BEND4: variants seen among roughly 807,000 people sequenced by gnomAD.
BEND4 encodes the protein BEN domain containing 4.
Under a neutral mutation model 54.7 loss-of-function variants are expected in BEND4, and 27 were observed. The observed-to-expected ratio is 0.49, with a 90% confidence interval of 0.36 to 0.68. The LOEUF (loss-of-function observed/expected upper bound fraction) is 0.68, where lower values mean the gene tolerates loss of function less well. Among genes scored for constraint, BEND4 ranks in the 30% least tolerant of loss-of-function variants. The pLI is 0.00. For synonymous variants in BEND4, 327 were observed against 299.5 expected, an observed-to-expected ratio of 1.09 and a Z score of -0.95; for missense variants, 702 against 697.2, an observed-to-expected ratio of 1.01 and a Z score of -0.08.
intron 3 of BEND4, among the ~76,000 whole-genome samples, chr4:42,140,663 G>C (rs1042283985): frequency 1.3e-5 from 2 of 152,188 alleles, no homozygotes; most frequent in Non-Finnish European, 2.9e-5. Flanking sequence ...TATGGGTTCG[G>C]TAAGTGAGAG....
chr4:42,139,234 A>ATT, intron 3 of BEND4, among the ~76,000 whole-genome samples: 2 of 152,314 alleles, frequency 1.3e-5, no homozygotes, highest in Admixed American at 1.3e-4. Flanking sequence ...TAGTGTGGTG[A>ATT]TCTAATACAA....
rs1239344697 is a variant in BEND4 at position 42,152,034 on chromosome 4, A to G, written c.110T>C (p.Leu37Pro). 9.6e-6 allele frequency: 12 copies of G among 1,250,808 alleles called. No homozygotes were observed. The highest frequency in any genetic ancestry group is 1.1e-5 in the Non-Finnish European group (11 of 990,792). 77.5% of individuals were successfully genotyped at this position (1,250,808 alleles called of 1,614,324 possible). A position where few individuals can be genotyped will look rare whatever the true frequency, so the allele number is the denominator to read the frequency against. The change falls in exon 2 of 6, where the codon CTG becomes CCG. Residue 37 changes from leucine (L) to proline (P), a missense_variant. Physicochemically the swap from Leu to Pro is moderately conservative, Grantham distance 98. Coordinates refer to ENST00000502486, the MANE Select transcript of BEND4 (RefSeq NM_207406.4). ...LKTFPSKRPA[L>P]AKRYERPTLV... ...GGTGGGTCGCTCGTAGCGCTTGGCC[A>G]GCGCCGGTCTCTTGCTGGGGAACGT...
chr4:42,149,809 G>A (rs1056095616), intron 2 of BEND4, among the ~76,000 whole-genome samples: 8 of 152,008 alleles, frequency 5.3e-5, no homozygotes, highest in Non-Finnish European at 5.9e-5. Context: ...CAAGTGACTG[G>A]TGCAGAAAAA....
rs1399282074 is a variant in BEND4 at position 42,115,190 on chromosome 4, T to TGCG, written c.*2327_*2328insCGC. ...GAGAAACAGCTGATAGAGAAATGAT[T>TGCG]AACCTGGAATGGGTGCGAGGGAGGA... On this transcript the variant is annotated 3_prime_UTR_variant, in exon 6 of 6. Coordinates refer to ENST00000502486, the MANE Select transcript of BEND4 (RefSeq NM_207406.4). The TGCG allele has an allele frequency of 3.9e-5, 6 of 152,372 alleles. No individual in the cohort carries two copies. The East Asian group carries it at 1.2e-3, about 29-fold the overall frequency. 9.4% of individuals were successfully genotyped at this position (152,372 alleles called of 1,614,324 possible).
chr4:42,120,408 T>C (rs901270187), intron 4 of BEND4, 114 bp from the exon 5 acceptor site: 7 of 1,328,760 alleles, frequency 5.3e-6, no homozygotes, highest in African/African-American at 4.4e-5. Flanking sequence ...ATGCTGACAA[T>C]GAACCAGGTA....
Position 42,152,293 on chromosome 4 carries a change from C to T in BEND4, c.-150G>A, listed in dbSNP as rs953482821. ...TGTGCCGTGGCCGCCGCCGCCGCCG[C>T]CTGTCGCTGAGGCTGGCATCGCCGA... is the stretch of plus-strand genomic sequence containing the variant. On this transcript the variant is annotated 5_prime_UTR_variant, in exon 2 of 6. Transcript: ENST00000502486. The T allele has an allele frequency of 3.2e-5, 24 of 758,468 alleles. No individual in the cohort carries two copies. The highest frequency in any genetic ancestry group is 4.1e-5 in the Non-Finnish European group (23 of 564,288). 47.0% of individuals were successfully genotyped at this position (758,468 alleles called of 1,614,324 possible). A position where few individuals can be genotyped will look rare whatever the true frequency, so the allele number is the denominator to read the frequency against.
intron 5 of BEND4, among the ~76,000 whole-genome samples, chr4:42,119,368 G>A (rs1320679332): frequency 6.6e-6 from 1 of 152,074 alleles, no homozygotes; most frequent in Non-Finnish European, 1.5e-5. Context: ...ATGTTTTGTT[G>A]GCACTATAAC....
At chr4:42,121,332 G>A (rs1720052219) in intron 4 of BEND4, among the ~76,000 whole-genome samples, 1 of 152,172 alleles carries the variant, frequency 6.6e-6, no homozygotes, top group South Asian at 2.1e-4. Context: ...TAGGAAACCG[G>A]CACGGAGTTC....
At chr4:42,138,336 G>C (rs1371799655) in intron 3 of BEND4, among the ~76,000 whole-genome samples, 1 of 152,142 alleles carries the variant, frequency 6.6e-6, no homozygotes, top group African/African-American at 2.4e-5. Flanking sequence ...GAAAAATATT[G>C]TAAGATTTCA....
chr4:42,125,793 C>A, intron 3 of BEND4, 119 bp from the exon 4 acceptor site: 1 of 625,088 alleles, frequency 1.6e-6, no homozygotes, highest in Non-Finnish European at 2.7e-6. Flanking sequence ...TACTGGAGTG[C>A]AGTGTGGTGA....
At position 42,117,341 on chromosome 4, in the gene BEND4, G is replaced by A; in HGVS notation, c.*177C>T. ...TATAATATTCCAAAAGTCTGTTGTA[G>A]GTGCCACAGACTTCCCAAACAACCC... On this transcript the variant is annotated 3_prime_UTR_variant, in exon 6 of 6. Transcript: ENST00000502486. 1 of 559,198 alleles carries A rather than the reference G, an allele frequency of 1.8e-6. No homozygotes were observed. The allele number at this position is 559,198 out of a possible 1,614,324, so 34.6% of individuals were successfully genotyped here.
intron 2 of BEND4, among the ~76,000 whole-genome samples, chr4:42,144,285 C>A (rs1720999947): frequency 6.6e-6 from 1 of 152,268 alleles, no homozygotes; most frequent in East Asian, 1.9e-4. Flanking sequence ...TAACTGGCTG[C>A]ACAGGTCTGA....
rs868016132 is a variant in BEND4 at position 42,151,686 on chromosome 4, C to T, written c.458G>A (p.Ser153Asn). The change falls in exon 2 of 6, where the codon AGC becomes AAC. Residue 153 changes from serine (S) to asparagine (N), a missense_variant. Transcript: ENST00000502486. Reference protein sequence around the residue: ...AAAAGTGGTGSDSASLELSAE... With the variant: ...AAAAGTGGTGNDSASLELSAE... ...GCTGAGCTCCAGGCTGGCGCTGTCG[C>T]TACCCGTGCCGCCGGTGCCGGCGGC... is the stretch of plus-strand genomic sequence containing the variant. The T allele has an allele frequency of 6.6e-7, 1 of 1,507,068 alleles. No individual in the cohort carries two copies. Among genetic ancestry groups the T allele is most frequent in the Non-Finnish European group, 8.8e-7 (1 of 1,131,326 alleles). The allele number at this position is 1,507,068 out of a possible 1,614,324, so 93.4% of individuals were successfully genotyped here. A position where few individuals can be genotyped will look rare whatever the true frequency, so the allele number is the denominator to read the frequency against.
intron 3 of BEND4, among the ~76,000 whole-genome samples, chr4:42,140,395 T>G (rs1295393301): frequency 6.6e-6 from 1 of 152,196 alleles, no homozygotes; most frequent in Non-Finnish European, 1.5e-5. Context: ...TATTGTTGGA[T>G]GTATTTCTTA....
At chr4:42,120,400 G>T in intron 4 of BEND4, 106 bp from the exon 5 acceptor site, 1 of 1,390,388 alleles carries the variant, frequency 7.2e-7, no homozygotes, top group Non-Finnish European at 9.8e-7. Flanking sequence ...AAGTGGCTAT[G>T]CTGACAATGA....
rs1235491763 is a variant in BEND4, at chr4:42,151,987, G to C, written c.157C>G (p.Arg53Gly). The change falls in exon 2 of 6, where the codon CGG (arginine) becomes GGG (glycine). Residue 53 changes from arginine (R) to glycine (G), a missense_variant. Transcript: ENST00000502486. ...GGCGGCGGGGGCGGCGGGGGCGCCC[G>C]CACGTGCGGCAGCTCCACCAGGGTG... is the stretch of plus-strand genomic sequence containing the variant. ...RPTLVELPHV[R>G]APPPPPPPFA... 1 of 1,253,810 alleles carries C rather than the reference G, an allele frequency of 8.0e-7. No individual in the cohort carries two copies. The highest frequency in any genetic ancestry group is 1.0e-6 in the Non-Finnish European group (1 of 995,124). The allele number at this position is 1,253,810 out of a possible 1,614,324, so 77.7% of individuals were successfully genotyped here. A position where few individuals can be genotyped will look rare whatever the true frequency, so the allele number is the denominator to read the frequency against.
chr4:42,112,927 G>C lies in BEND4; in HGVS notation c.*4591C>G, dbSNP rs56050241. The C allele has an allele frequency of 2.0e-5, 3 of 152,234 alleles. No homozygotes were observed. In the East Asian group the frequency reaches 5.8e-4, roughly 29 times the overall value. The allele number at this position is 152,234 out of a possible 1,614,324, so 9.4% of individuals were successfully genotyped here. The stretch of plus-strand genomic sequence containing the variant: ...TTGCAGAGGACTACCCATCTGCTGG[G>C]TGACGTTTTCCTACATTACTCCAAC... On this transcript the variant is annotated 3_prime_UTR_variant, in exon 6 of 6. Coordinates refer to ENST00000502486, the MANE Select transcript of BEND4 (RefSeq NM_207406.4).
chr4:42,112,121 G>A lies in BEND4; in HGVS notation c.*5397C>T, dbSNP rs1719596465. On this transcript the variant is annotated 3_prime_UTR_variant, in exon 6 of 6. Coordinates refer to ENST00000502486, the MANE Select transcript of BEND4 (RefSeq NM_207406.4). ...AACAAATCCATTCCAAAGTGTTGAT[G>A]GGCTTTGAGAACTGTGCTCCAACTA... 6.6e-6 allele frequency: 1 copy of A among 152,114 alleles called. No homozygotes were observed. Among genetic ancestry groups the A allele is most frequent in the South Asian group, 2.1e-4 (1 of 4,826 alleles). The allele number at this position is 152,114 out of a possible 1,614,324, so 9.4% of individuals were successfully genotyped here.
At chr4:42,132,482 T>C (rs1280750893) in intron 3 of BEND4, among the ~76,000 whole-genome samples, 1 of 152,118 alleles carries the variant, frequency 6.6e-6, no homozygotes, top group African/African-American at 2.4e-5. Context: ...TTCAGTGCTG[T>C]TGCCAAAGCT....
Sources: allele counts gnomAD v4.1 joint callset (sites outside exome capture counted in the v4.1 genomes callset), GRCh38; gene constraint gnomAD v4.1.1; transcripts MANE v1.5; gene names NCBI Gene and HGNC (gene_info 2026-07-23, HGNC 2026-07-21).